ATP7A: variants seen among roughly 807,000 people sequenced by gnomAD.
ATP7A encodes copper-transporting ATPase 1.
Under a neutral mutation model 83.5 loss-of-function variants are expected in ATP7A, and 7 were observed. That is an observed-to-expected ratio of 0.08 (90% CI 0.05 to 0.16). ATP7A has a LOEUF of 0.16. ATP7A is among the 10% of genes least tolerant of loss of function. ATP7A has a pLI of 1.00. For synonymous variants in ATP7A, 354 were observed against 395.2 expected (o/e 0.90, Z 1.24); for missense variants, 940 against 1,120.8 (o/e 0.84, Z 2.30).
chrX:78,004,423 C>A, intron 6 of ATP7A, among the ~76,000 whole-genome samples: 1 of 112,327 alleles, frequency 8.9e-6, no homozygotes, highest in Non-Finnish European at 1.9e-5. Context: ...AACAAAAAAT[C>A]TTGTACCAAA....
intron 1 of ATP7A, among the ~76,000 whole-genome samples, chrX:77,961,107 T>C (rs1165882632): frequency 2.7e-5 from 3 of 111,306 alleles, no homozygotes; most frequent in African/African-American, 9.8e-5. Context: ...AAAAAAACAA[T>C]GCAGGTGAAT....
intron 5 of ATP7A, 140 bp downstream of exon 5, chrX:77,998,824 G>A (rs1179049828): frequency 2.0e-5 from 13 of 658,852 alleles, no homozygotes; most frequent in African/African-American, 4.4e-5. Context: ...GGACAACCCC[G>A]ATGTCCTGGA....
At chrX:77,974,435 C>A (rs2077565853) in intron 2 of ATP7A, among the ~76,000 whole-genome samples, 1 of 111,298 alleles carries the variant, frequency 9.0e-6, no homozygotes, top group South Asian at 3.7e-4. Flanking sequence ...TGAGCCACTG[C>A]ACCTGGCCAC....
At chrX:78,035,777 G>A (rs1228636858) in intron 17 of ATP7A, among the ~76,000 whole-genome samples, 6 of 111,655 alleles carry the variant, frequency 5.4e-5, no homozygotes, top group African/African-American at 2.0e-4. Context: ...GTTCACAAAT[G>A]GCATCTATCT....
intron 1 of ATP7A, among the ~76,000 whole-genome samples, chrX:77,912,724 T>G (rs1259814001): frequency 8.9e-6 from 1 of 112,494 alleles, no homozygotes; most frequent in Non-Finnish European, 1.9e-5. Context: ...TTAAAATTGT[T>G]GGGAATGAAT....
chrX:77,966,664 A>G lies in ATP7A; in HGVS notation c.-21-4957A>G, dbSNP rs782288761. Among the ~76,000 whole-genome samples, 4 of 111,847 alleles carry G rather than the reference A, an allele frequency of 3.6e-5. No homozygotes were observed. The South Asian group carries it at 1.5e-3, about 42-fold the overall frequency. ...GAAATGGGGAGTGTTGCTAATGGAC[A>G]TGGGATTTCTTTTTGGAGTAATGAA... is the stretch of plus-strand genomic sequence containing the variant. On this transcript the variant is annotated intron_variant, in intron 1 of 22. Transcript: ENST00000341514.
intron 14 of ATP7A, among the ~76,000 whole-genome samples, chrX:78,026,993 T>C (rs782387062): frequency 9.1e-6 from 1 of 110,292 alleles, no homozygotes; most frequent in African/African-American, 3.3e-5. Context: ...TACTAAAAAA[T>C]ACAAAAATTA....
intron 6 of ATP7A, among the ~76,000 whole-genome samples, chrX:78,007,603 G>T (rs1189498015): frequency 8.9e-6 from 1 of 112,437 alleles, no homozygotes; most frequent in Non-Finnish European, 1.9e-5. Flanking sequence ...GGGATTACAG[G>T]CGTGAGCCAC....
At chrX:77,965,130 A>T (rs190493893) in intron 1 of ATP7A, among the ~76,000 whole-genome samples, 6 of 111,381 alleles carry the variant, frequency 5.4e-5, no homozygotes, top group Admixed American at 2.9e-4. Context: ...CAGTATGAGG[A>T]AAAATATTTT....
At chrX:78,017,765 CTTTTTTTTTTTTTTTT>C (rs1176316040) in intron 12 of ATP7A, among the ~76,000 whole-genome samples, 1,374 of 45,921 alleles carry the variant, frequency 0.03, 48 homozygotes, top group African/African-American at 0.12. Flanking sequence ...TTTCTTGTTT[CTTTTTTTTTTTTTTTT>C]TTTTTTTTTT....
At chrX:78,027,888 G>A (rs782646172) in intron 14 of ATP7A, among the ~76,000 whole-genome samples, 3 of 111,362 alleles carry the variant, frequency 2.7e-5, no homozygotes, top group African/African-American at 9.8e-5. Context: ...TTACAGACAT[G>A]AGCCACTGTG....
chrX:78,020,119 T>C, intron 12 of ATP7A, 125 bp from the exon 13 acceptor site: 1 of 857,642 alleles, frequency 1.2e-6, no homozygotes, highest in Non-Finnish European at 1.7e-6. Context: ...GGAAAGCAAC[T>C]TTCACCTAGG....
At chrX:77,932,284 T>C (rs1418496232) in intron 1 of ATP7A, among the ~76,000 whole-genome samples, 5 of 79,276 alleles carry the variant, frequency 6.3e-5, no homozygotes, top group Non-Finnish European at 9.5e-5. Flanking sequence ...GGGGCAGAGG[T>C]GCTCCCCACA....
chrX:77,995,291 G>A (rs2077695523), intron 4 of ATP7A, among the ~76,000 whole-genome samples: 1 of 111,083 alleles, frequency 9.0e-6, no homozygotes, highest in Admixed American at 9.6e-5. Context: ...GAAGCCAGAC[G>A]CAGTGGCTTA....
At chrX:77,951,509 A>G (rs1199531888) in intron 1 of ATP7A, among the ~76,000 whole-genome samples, 2 of 111,356 alleles carry the variant, frequency 1.8e-5, no homozygotes, top group Non-Finnish European at 3.8e-5. Flanking sequence ...ATTCTTATAT[A>G]CACACATATG....
intron 1 of ATP7A, among the ~76,000 whole-genome samples, chrX:77,932,277 G>A (rs1455494715): frequency 1.9e-5 from 2 of 105,184 alleles, no homozygotes; most frequent in Non-Finnish European, 3.9e-5. Context: ...GGGCGGCGGG[G>A]CAGAGGTGCT....
rs1458868874 is a variant in ATP7A at position 78,049,039 on chromosome X, G to A, written c.*2469G>A. 1 of 111,881 alleles carries A rather than the reference G, an allele frequency of 8.9e-6. No individual in the cohort carries two copies. Among genetic ancestry groups the A allele is most frequent in the Non-Finnish European group, 1.9e-5 (1 of 53,150 alleles). The allele number at this position is 111,881 out of a possible 1,213,427, so 9.2% of individuals were successfully genotyped here. ...ACAAGAACAGAAAACATGCTAATTA[G>A]AAAAAGTCCTGCTTTAAGTAATATG... On this transcript the variant is annotated 3_prime_UTR_variant, in exon 23 of 23. Transcript: ENST00000341514.
chrX:77,940,885 G>T (rs782498247), intron 1 of ATP7A, among the ~76,000 whole-genome samples: 3 of 112,047 alleles, frequency 2.7e-5, no homozygotes, highest in South Asian at 7.3e-4. Flanking sequence ...AATTTTCATA[G>T]TACCTGATAA....
chrX:78,002,244 A>ATTTTTTTTTT, intron 5 of ATP7A, among the ~76,000 whole-genome samples: 1 of 81,440 alleles, frequency 1.2e-5, no homozygotes, highest in Non-Finnish European at 2.5e-5. Context: ...TAATTTTTGT[A>ATTTTTTTTTT]TTTTTTTTTT....
Sources: gnomAD v4.1 joint callset for allele counts (sites outside exome capture counted in the v4.1 genomes callset) on GRCh38, gnomAD v4.1.1 for gene constraint, MANE v1.5 for transcripts, NCBI Gene and HGNC (gene_info 2026-07-23, HGNC 2026-07-21) for gene names.